The following QRICH1 variants were observed in gnomAD, a reference collection of about 807,000 sequenced individuals.
QRICH1 encodes the protein transcriptional regulator QRICH1.
Under a neutral mutation model 87.1 loss-of-function variants are expected in QRICH1, and 16 were observed. The ratio of observed to expected loss-of-function variants is 0.18; its 90% CI spans 0.12 to 0.28. The LOEUF (loss-of-function observed/expected upper bound fraction) is 0.28, where lower values mean the gene tolerates loss of function less well. QRICH1 is among the 10% of genes least tolerant of loss of function. QRICH1 has a pLI of 1.00. For synonymous variants in QRICH1, 367 were observed against 368.4 expected, an observed-to-expected ratio of 1.00 and a Z score of 0.05; for missense variants, 647 against 951.7, an observed-to-expected ratio of 0.68 and a Z score of 4.21.
intron 2 of QRICH1, among the ~76,000 whole-genome samples, chr3:49,065,138 C>CTT (rs541974005): frequency 4.9e-5 from 7 of 143,974 alleles, no homozygotes; most frequent in Admixed American, 7.0e-5. Flanking sequence ...TTGGAAACCT[C>CTT]TTTTTTTTTT....
chr3:49,088,684 G>T (rs959645685), intron 1 of QRICH1, among the ~76,000 whole-genome samples: 1 of 148,218 alleles, frequency 6.7e-6, no homozygotes, highest in Non-Finnish European at 1.5e-5. Context: ...AAAATGCAGT[G>T]GTGCATTCAT....
At chr3:49,065,346 T>C (rs577088105) in intron 2 of QRICH1, among the ~76,000 whole-genome samples, 25 of 152,260 alleles carry the variant, frequency 1.6e-4, no homozygotes, top group African/African-American at 5.3e-4. Flanking sequence ...GTTTTTGCCA[T>C]GTTGGCCAGG....
At chr3:49,050,279 C>A (rs546673362) in intron 3 of QRICH1, among the ~76,000 whole-genome samples, 1 of 116,038 alleles carries the variant, frequency 8.6e-6, no homozygotes, top group South Asian at 2.7e-4. Context: ...AAAAATTAGC[C>A]GGGTGTGGTA....
At chr3:49,066,621 G>A (rs968885824) in intron 2 of QRICH1, among the ~76,000 whole-genome samples, 20 of 151,860 alleles carry the variant, frequency 1.3e-4, no homozygotes, top group African/African-American at 4.6e-4. Context: ...CCTGCCACCC[G>A]TGCCTGGCTA....
At chr3:49,033,057 C>G in intron 7 of QRICH1, 63 bp downstream of exon 7, 1 of 1,274,954 alleles carries the variant, frequency 7.8e-7, no homozygotes, top group Non-Finnish European at 1.1e-6. Context: ...CAGAAGGCCT[C>G]TTGGATAGCT....
chr3:49,086,247 CTCTTTT>C (rs1212365461), intron 1 of QRICH1, among the ~76,000 whole-genome samples: 6 of 150,250 alleles, frequency 4.0e-5, no homozygotes, highest in Admixed American at 3.3e-4. Flanking sequence ...CTGTATCTCC[CTCTTTT>C]TCTTTTTCTT....
chr3:49,082,691 C>T (rs1273304635), intron 1 of QRICH1, among the ~76,000 whole-genome samples: 1 of 150,936 alleles, frequency 6.6e-6, no homozygotes, highest in East Asian at 2.0e-4. Flanking sequence ...GTCGGGAGAT[C>T]GAGACCACCC....
rs973756028 is a variant in QRICH1 at position 49,094,007 on chromosome 3, G to C, written c.-117C>G. 3.3e-4 allele frequency: 133 copies of C among 399,248 alleles called. 1 individual carries two copies. The East Asian group carries it at 4.7e-3, about 14-fold the overall frequency. 24.7% of individuals were successfully genotyped at this position (399,248 alleles called of 1,614,324 possible). On this transcript the variant is annotated 5_prime_UTR_variant, in exon 1 of 10. Coordinates refer to ENST00000395443, the MANE Select transcript of QRICH1 (RefSeq NM_198880.3). ...CCTGGTTCTGCCGTCGTCGCTCCAA[G>C]ACCGACAGGGTTTTCTCCTCACAGC...
intron 6 of QRICH1, among the ~76,000 whole-genome samples, chr3:49,039,909 A>C (rs2106837972): frequency 6.6e-6 from 1 of 152,106 alleles, no homozygotes; most frequent in Non-Finnish European, 1.5e-5. Flanking sequence ...AAAATACAAA[A>C]AAATTAGCTG....
chr3:49,055,053 TCTTA>T (rs2093393048), intron 3 of QRICH1, among the ~76,000 whole-genome samples: 1 of 152,182 alleles, frequency 6.6e-6, no homozygotes, highest in African/African-American at 2.4e-5. Context: ...AATCCTGAGT[TCTTA>T]CTTTTCACAA....
At chr3:49,052,530 G>C (rs954111611) in intron 3 of QRICH1, among the ~76,000 whole-genome samples, 1 of 152,116 alleles carries the variant, frequency 6.6e-6, no homozygotes, top group Non-Finnish European at 1.5e-5. Context: ...GTTTGAGATG[G>C]AGTTTCGCTC....
At chr3:49,076,178 G>A (rs1473548000) in intron 2 of QRICH1, among the ~76,000 whole-genome samples, 1 of 152,182 alleles carries the variant, frequency 6.6e-6, no homozygotes, top group Non-Finnish European at 1.5e-5. Context: ...CACAGTGCAA[G>A]ACTCCATCTC....
rs148698795 is a variant in QRICH1 at position 49,032,671 on chromosome 3, C to T, written c.1998G>A (p.Thr666=). ...KNPSNPKDKS[T]SIRYLKALGI... is the part of the protein sequence containing the mutation. Reference sequence around the variant, plus strand: ...CAAGGGCCTTCAAGTACCGGATACTCGTGCTTTTATCCTTGGGATTAGAGG... The same window carrying T: ...CAAGGGCCTTCAAGTACCGGATACTTGTGCTTTTATCCTTGGGATTAGAGG... Residue 666 remains threonine, a synonymous_variant, in exon 8 of 10, where the codon ACG becomes ACA. Transcript: ENST00000395443. 5.7e-4 allele frequency: 921 copies of T among 1,612,136 alleles called. 1 individual carries two copies. The highest frequency in any genetic ancestry group is 5.3e-4 in the Non-Finnish European group (628 of 1,179,234).
In QRICH1 at chr3:49,048,720, G is replaced by A. The variant is rs370597253; in HGVS notation, c.1339-1474C>T. Among the ~76,000 whole-genome samples the A allele has an allele frequency of 1.1e-4, 17 of 148,418 alleles. No homozygotes were observed. In the East Asian group the frequency reaches 1.7e-3, roughly 15 times the overall value. On this transcript the variant is annotated intron_variant, in intron 3 of 9. Coordinates refer to ENST00000395443, the MANE Select transcript of QRICH1 (RefSeq NM_198880.3). ...GGAGAATGGCATGAATCCAGGAGGCGGAGCTTGCAGTGAGCCGAGATCGCA... is the reference window on the plus strand; with the variant it reads ...GGAGAATGGCATGAATCCAGGAGGCAGAGCTTGCAGTGAGCCGAGATCGCA...
At chr3:49,090,758 G>A (rs2042261347) in intron 1 of QRICH1, among the ~76,000 whole-genome samples, 1 of 152,052 alleles carries the variant, frequency 6.6e-6, no homozygotes, top group Admixed American at 6.6e-5. Flanking sequence ...CCCTCTTTCA[G>A]CAAAGGAAGA....
At chr3:49,061,434 A>G (rs2093434217) in intron 2 of QRICH1, among the ~76,000 whole-genome samples, 1 of 152,224 alleles carries the variant, frequency 6.6e-6, no homozygotes, top group Non-Finnish European at 1.5e-5. Context: ...TTATGTCAGC[A>G]TGCAAAAGAG....
rs577384344 is a variant in QRICH1 at position 49,064,106 on chromosome 3, T to C, written c.310-6216A>G. On this transcript the variant is annotated intron_variant, in intron 2 of 9. Coordinates refer to ENST00000395443, the MANE Select transcript of QRICH1 (RefSeq NM_198880.3). ...TTGTTGTTGTTTTTTGTTTTTTATA[T>C]TTTTAGTAGAGATGGAGTTTCTCCA... Among the ~76,000 whole-genome samples, 6 of 151,946 alleles carry C rather than the reference T, an allele frequency of 3.9e-5. No individual in the cohort carries two copies. In the East Asian group the frequency reaches 9.7e-4, roughly 25 times the overall value.
chr3:49,040,311 T>G (rs2093302579), intron 6 of QRICH1, among the ~76,000 whole-genome samples: 1 of 152,172 alleles, frequency 6.6e-6, no homozygotes, highest in South Asian at 2.1e-4. Flanking sequence ...GTTCTGTTCT[T>G]CAAAGTACTT....
At chr3:49,040,735 C>T (rs1575328166) in intron 6 of QRICH1, among the ~76,000 whole-genome samples, 1 of 152,142 alleles carries the variant, frequency 6.6e-6, no homozygotes, top group African/African-American at 2.4e-5. Context: ...CTCTGAATGT[C>T]AAGGAATGCA....
Sources: allele counts gnomAD v4.1 joint callset (sites outside exome capture counted in the v4.1 genomes callset), GRCh38; gene constraint gnomAD v4.1.1; transcripts MANE v1.5; gene names NCBI Gene and HGNC (gene_info 2026-07-23, HGNC 2026-07-21).